The following DDR2 variants were observed in gnomAD, a reference collection of about 807,000 sequenced individuals.
DDR2 encodes the protein discoidin domain-containing receptor 2.
A neutral mutation model predicts 94.9 loss-of-function variants in DDR2; 27 were observed. The observed-to-expected ratio is 0.28, with a 90% confidence interval of 0.21 to 0.39. The LOEUF (loss-of-function observed/expected upper bound fraction) is 0.39. DDR2 is among the 10% of genes least tolerant of loss of function. DDR2 has a pLI of 1.00. For synonymous variants in DDR2, 382 were observed against 377.2 expected, an observed-to-expected ratio of 1.01 and a Z score of -0.15; for missense variants, 783 against 1,076.0, an observed-to-expected ratio of 0.73 and a Z score of 3.81.
intron 3 of DDR2, among the ~76,000 whole-genome samples, chr1:162,736,870 G>C (rs994167363): frequency 6.6e-6 from 1 of 152,216 alleles, no homozygotes; most frequent in Non-Finnish European, 1.5e-5. Context: ...AGTATACTTA[G>C]TGTGTTTGAG....
rs569094166 is a variant in DDR2, at chr1:162,781,679, A to C, written c.*1433A>C. On this transcript the variant is annotated 3_prime_UTR_variant, in exon 18 of 18. Transcript: ENST00000367921. ...GCGTGACCAGCAGAAAAGAAAGCTC[A>C]GGGCTGTGGCTTCAGAATTCATGGA... 3.3e-5 allele frequency: 5 copies of C among 152,316 alleles called. No individual in the cohort carries two copies. The highest frequency in any genetic ancestry group is 2.1e-4 in the South Asian group (1 of 4,828). 9.4% of individuals were successfully genotyped at this position (152,316 alleles called of 1,614,324 possible). A position where few individuals can be genotyped will look rare whatever the true frequency, so the allele number is the denominator to read the frequency against.
At chr1:162,645,229 T>C (rs1044083025) in intron 1 of DDR2, among the ~76,000 whole-genome samples, 7 of 152,232 alleles carry the variant, frequency 4.6e-5, no homozygotes, top group Non-Finnish European at 7.3e-5. Flanking sequence ...TCCTCAGGAT[T>C]GTCCCTTTTG....
intron 3 of DDR2, among the ~76,000 whole-genome samples, chr1:162,727,033 TA>T (rs1442948235): frequency 4.8e-5 from 7 of 147,054 alleles, no homozygotes; most frequent in African/African-American, 1.5e-4. Flanking sequence ...ATATATATGA[TA>T]AAAATTATAA....
intron 1 of DDR2, among the ~76,000 whole-genome samples, chr1:162,647,692 T>C (rs1446145556): frequency 6.6e-6 from 1 of 152,212 alleles, no homozygotes; most frequent in African/African-American, 2.4e-5. Flanking sequence ...AACTTCCAGA[T>C]GTTGCCATGG....
chr1:162,638,944 A>G (rs1656977851), intron 1 of DDR2, among the ~76,000 whole-genome samples: 1 of 151,998 alleles, frequency 6.6e-6, no homozygotes, highest in Non-Finnish European at 1.5e-5. Flanking sequence ...ATATCAACGA[A>G]CTGATTCTTT....
intron 2 of DDR2, among the ~76,000 whole-genome samples, chr1:162,682,003 C>T (rs947261808): frequency 7.9e-5 from 12 of 152,156 alleles, no homozygotes; most frequent in African/African-American, 2.9e-4. Context: ...AGGTGACTCC[C>T]ACCAAATACA....
chr1:162,700,375 T>C (rs1462380909), intron 2 of DDR2, among the ~76,000 whole-genome samples: 2 of 152,144 alleles, frequency 1.3e-5, no homozygotes, highest in Non-Finnish European at 2.9e-5. Flanking sequence ...ACCCAGACAC[T>C]CAGTTTTGTA....
chr1:162,635,785 T>C (rs1261863392), intron 1 of DDR2, among the ~76,000 whole-genome samples: 3 of 150,288 alleles, frequency 2.0e-5, no homozygotes, highest in Non-Finnish European at 4.4e-5. Context: ...ATATCTGAGG[T>C]TGGAGATTGG....
chr1:162,647,460 C>T (rs1454084845), intron 1 of DDR2, among the ~76,000 whole-genome samples: 1 of 152,048 alleles, frequency 6.6e-6, no homozygotes, highest in Non-Finnish European at 1.5e-5. Flanking sequence ...GAGTTCTGGG[C>T]AAGTCTATAA....
At chr1:162,730,753 C>T (rs1359061840) in intron 3 of DDR2, among the ~76,000 whole-genome samples, 1 of 152,170 alleles carries the variant, frequency 6.6e-6, no homozygotes, top group Non-Finnish European at 1.5e-5. Context: ...TAATCTGTGT[C>T]CTGTCCGACT....
chr1:162,774,145 C>T (rs1195796950), intron 14 of DDR2, among the ~76,000 whole-genome samples: 1 of 152,174 alleles, frequency 6.6e-6, no homozygotes. Context: ...AGTTCTCTAG[C>T]AGTTTTCCAA....
At chr1:162,698,390 A>G (rs1040956839) in intron 2 of DDR2, among the ~76,000 whole-genome samples, 1 of 152,156 alleles carries the variant, frequency 6.6e-6, no homozygotes, top group Non-Finnish European at 1.5e-5. Flanking sequence ...CCAGGCATCC[A>G]AAGCACCAGG....
chr1:162,659,546 T>C (rs1316435618), intron 2 of DDR2, among the ~76,000 whole-genome samples: 1 of 152,056 alleles, frequency 6.6e-6, no homozygotes, highest in Non-Finnish European at 1.5e-5. Context: ...AAGAGGACAC[T>C]TGCCAGAATG....
At chr1:162,683,575 G>C (rs943193174) in intron 2 of DDR2, among the ~76,000 whole-genome samples, 1 of 152,022 alleles carries the variant, frequency 6.6e-6, no homozygotes, top group African/African-American at 2.4e-5. Flanking sequence ...AAGAAATATA[G>C]TGCTAATTTT....
At chr1:162,661,018 G>A (rs1188297490) in intron 2 of DDR2, among the ~76,000 whole-genome samples, 1 of 152,118 alleles carries the variant, frequency 6.6e-6, no homozygotes, top group Non-Finnish European at 1.5e-5. Flanking sequence ...ATACTCTCTT[G>A]CCCCAGTGGC....
chr1:162,704,474 A>G (rs1660573064), intron 2 of DDR2, among the ~76,000 whole-genome samples: 1 of 152,186 alleles, frequency 6.6e-6, no homozygotes, highest in Non-Finnish European at 1.5e-5. Flanking sequence ...TTTGGATACT[A>G]TAATAAAAAA....
Position 162,653,582 on chromosome 1 carries a change from CAA to C in DDR2, c.-191-1617_-191-1616del, listed in dbSNP as rs35833530. Among the ~76,000 whole-genome samples, 1,364 of 145,588 alleles carry C rather than the reference CAA, an allele frequency of 9.4e-3. 26 individuals are homozygous for C. Among genetic ancestry groups the C allele is most frequent in the African/African-American group, 0.029 (1,160 of 39,706 alleles). Reference sequence around the variant, plus strand: ...TGGATGATAGAATGAGACTCTGTCTCAAAAAAAAAAAAATACTGTTTGGGGAC... The same window carrying C: ...TGGATGATAGAATGAGACTCTGTCTCAAAAAAAAAAATACTGTTTGGGGAC... On this transcript the variant is annotated intron_variant, in intron 1 of 17. Coordinates refer to ENST00000367921, the MANE Select transcript of DDR2 (RefSeq NM_006182.4).
rs202219998 is a variant in DDR2 at position 162,741,219 on chromosome 1, T to C, written c.83-11876T>C. 7.2e-3 allele frequency among the ~76,000 whole-genome samples: 951 copies of C among 132,448 alleles called. 19 individuals are homozygous for C. Among genetic ancestry groups the C allele is most frequent in the African/African-American group, 0.028 (884 of 31,772 alleles). 86.9% of individuals were successfully genotyped at this position (132,448 alleles called of 152,430 possible). Reference sequence around the variant, plus strand: ...TAATACAATACAATACAATATAATATAATATAATATAATATAATATAATAT... The same window carrying C: ...TAATACAATACAATACAATATAATACAATATAATATAATATAATATAATAT... On this transcript the variant is annotated intron_variant, in intron 3 of 17. Coordinates refer to ENST00000367921, the MANE Select transcript of DDR2 (RefSeq NM_006182.4).
chr1:162,691,335 GTT>G (rs1456936284), intron 2 of DDR2, among the ~76,000 whole-genome samples: 2 of 152,188 alleles, frequency 1.3e-5, no homozygotes, highest in Non-Finnish European at 2.9e-5. Context: ...ATTGCCTGGT[GTT>G]CTTTAATTGC....
Sources: allele counts gnomAD v4.1 joint callset (sites outside exome capture counted in the v4.1 genomes callset), GRCh38; gene constraint gnomAD v4.1.1; transcripts MANE v1.5; gene names NCBI Gene and HGNC (gene_info 2026-07-23, HGNC 2026-07-21).